Variants in RRM1 observed in about 807,000 individuals in gnomAD.
RRM1 encodes ribonucleoside-diphosphate reductase large subunit.
RRM1 carries 19 observed loss-of-function variants against 101.5 expected under a neutral mutation model. That is an observed-to-expected ratio of 0.19 (90% CI 0.13 to 0.27). The LOEUF is 0.27. Among genes scored for constraint, RRM1 ranks in the 10% least tolerant of loss-of-function variants. The pLI is 1.00. For missense variants in RRM1, 500 were observed against 962.9 expected (o/e 0.52, Z 6.36); for synonymous variants, 298 against 323.4 (o/e 0.92, Z 0.84).
chr11:4,118,937 A>G (rs1325776710), intron 8 of RRM1: 1 of 152,804 alleles, frequency 6.5e-6, no homozygotes, highest in East Asian at 1.9e-4. Flanking sequence ...TTACTTTCTG[A>G]GATCAATCAC....
intron 18 of RRM1, 40 bp from the exon 19 acceptor site, chr11:4,138,155 A>T: frequency 8.3e-7 from 1 of 1,206,840 alleles, no homozygotes; most frequent in Non-Finnish European, 1.2e-6. Context: ...TAGTATTCTC[A>T]CAGAGTTTCT....
intron 18 of RRM1, 124 bp downstream of exon 18, chr11:4,135,394 A>G (rs1442704461): frequency 8.8e-6 from 6 of 684,606 alleles, no homozygotes; most frequent in Admixed American, 6.9e-5. Context: ...TCAAATCCAG[A>G]ACGTTAAAAC....
Position 4,119,855 on chromosome 11 carries a change from A to G in RRM1, c.803A>G (p.Asn268Ser), listed in dbSNP as rs1039953434. The change falls in exon 9 of 19, where the codon AAT becomes AGT. Residue 268 changes from asparagine to serine, a missense_variant. Physicochemically the swap from Asn to Ser is conservative, Grantham distance 46 (BLOSUM62 1). Coordinates refer to ENST00000300738, the MANE Select transcript of RRM1 (RefSeq NM_001033.5). Reference protein sequence around the residue: ...TGSYIAGTNGNSNGLVPMLRV... With the variant: ...TGSYIAGTNGSSNGLVPMLRV... ...TGGTCTCTCTTTTAGACTAATGGCA[A>G]TTCCAATGGCCTTGTACCGATGCTG... 6 of 1,601,718 alleles carry G rather than the reference A, an allele frequency of 3.7e-6. No homozygotes were observed. In the Admixed American group the frequency reaches 5.1e-5, roughly 14 times the overall value.
chr11:4,100,144 A>C (rs536679841), intron 1 of RRM1, among the ~76,000 whole-genome samples: 1 of 152,378 alleles, frequency 6.6e-6, no homozygotes, highest in East Asian at 1.9e-4. Context: ...AGGGGCTAAC[A>C]TATCAGTGTA....
chr11:4,118,534 A>G (rs989064600), intron 8 of RRM1, 73 bp downstream of exon 8: 18 of 1,544,638 alleles, frequency 1.2e-5, no homozygotes, highest in Middle Eastern at 1.7e-4. Flanking sequence ...TTGAGAGGGC[A>G]TATGCTATTT....
At chr11:4,119,706 A>T (rs543383483) in intron 8 of RRM1, 139 bp from the exon 9 acceptor site, 2 of 654,130 alleles carry the variant, frequency 3.1e-6, no homozygotes, top group South Asian at 3.4e-5. Context: ...TCCAAAGCAG[A>T]AGTAGAGATG....
upstream of RRM1, chr11:4,094,787 AC>A: frequency 1.7e-6 from 1 of 592,744 alleles, no homozygotes; most frequent in Non-Finnish European, 3.0e-6. Flanking sequence ...CGTCATTCGA[AC>A]CCCGTCGCGC....
At chr11:4,117,390 G>C (rs761575601) in intron 7 of RRM1, among the ~76,000 whole-genome samples, 15 of 152,308 alleles carry the variant, frequency 9.8e-5, no homozygotes, top group Non-Finnish European at 1.9e-4. Context: ...AAATAATCCA[G>C]ATGTTCATCA....
At position 4,133,367 on chromosome 11, in the gene RRM1, CAG is replaced by C. The variant is rs138190372; in HGVS notation, c.1906-194_1906-193del. On this transcript the variant is annotated intron_variant, in intron 16 of 18. Transcript: ENST00000300738. ...GCTAATTATATTGTTTCTTGAATAACAGATGTCAAGATCTTAAAGGAATATAG... is the reference window on the plus strand; with the variant it reads ...GCTAATTATATTGTTTCTTGAATAACATGTCAAGATCTTAAAGGAATATAG... Among the ~76,000 whole-genome samples, 1,050 of 152,232 alleles carry C rather than the reference CAG, an allele frequency of 6.9e-3. 15 individuals carry two copies. The highest frequency in any genetic ancestry group is 0.024 in the African/African-American group (1,005 of 41,550).
At chr11:4,121,904 C>A in intron 10 of RRM1, 139 bp downstream of exon 10, 1 of 803,156 alleles carries the variant, frequency 1.2e-6, no homozygotes. Context: ...TAAGAGATGC[C>A]GTGCTTGTCT....
intron 17 of RRM1, 35 bp downstream of exon 17, chr11:4,133,693 C>G (rs1335285076): frequency 2.5e-6 from 3 of 1,221,930 alleles, no homozygotes; most frequent in Non-Finnish European, 3.6e-6. Context: ...TCTGCAGGGG[C>G]TGAGTTGGAC....
chr11:4,120,483 C>T (rs918774909), intron 9 of RRM1, among the ~76,000 whole-genome samples: 2 of 151,990 alleles, frequency 1.3e-5, no homozygotes, highest in African/African-American at 4.8e-5. Context: ...TCTGCCTCAG[C>T]CCTCCCATGT....
chr11:4,137,704 G>A (rs1590737936), intron 18 of RRM1, among the ~76,000 whole-genome samples: 1 of 27,402 alleles, frequency 3.6e-5, no homozygotes, highest in East Asian at 8.0e-4. Context: ...CGGACGGGGC[G>A]GCTGGCCGGG....
At chr11:4,098,127 TCA>T (rs2085606191) in intron 1 of RRM1, among the ~76,000 whole-genome samples, 1 of 152,174 alleles carries the variant, frequency 6.6e-6, no homozygotes, top group Non-Finnish European at 1.5e-5. Context: ...GGATTGTAAC[TCA>T]CAGTAAAAAA....
chr11:4,124,155 G>A (rs11031043), intron 12 of RRM1, among the ~76,000 whole-genome samples: 2 of 152,020 alleles, frequency 1.3e-5, no homozygotes, highest in African/African-American at 2.4e-5. Flanking sequence ...AAGCTGACAC[G>A]TCACGGATAG....
rs1186975474 is a variant in RRM1 at position 4,126,679 on chromosome 11, TCCAGG to T, written c.1321-4_1321del. The T allele has an allele frequency of 1.9e-6, 3 of 1,604,172 alleles. No homozygotes were observed. In the Admixed American group the frequency reaches 5.2e-5, roughly 28 times the overall value. On this transcript the variant is annotated splice_acceptor_variant and splice_polypyrimidine_tract_variant and coding_sequence_variant and intron_variant, in exon 13 of 19. Transcript: ENST00000300738. LOFTEE classifies it high-confidence loss of function. ...GTGATTCTTGACCTGTTTTTTGCATTCCAGGTTGCTGTTTGTAATTTGGCTTCCCT... is the reference window on the plus strand; with the variant it reads ...GTGATTCTTGACCTGTTTTTTGCATTTTGCTGTTTGTAATTTGGCTTCCCT...
In RRM1 at chr11:4,129,090, T is replaced by C. The variant is rs751661741; in HGVS notation, c.1709T>C (p.Met570Thr). The change falls in exon 15 of 19, where the codon ATG becomes ACG. Residue 570 changes from methionine (M) to threonine (T), a missense_variant. Physicochemically the swap from Met to Thr is moderately conservative, Grantham distance 81. Coordinates refer to ENST00000300738, the MANE Select transcript of RRM1 (RefSeq NM_001033.5). ...PVSKGILQYD[M>T]WNVTPTDLWD... ...ATTCCTTAGATTCTTCAGTATGATATGTGGAATGTTACTCCTACAGACCTA... is the reference window on the plus strand; with the variant it reads ...ATTCCTTAGATTCTTCAGTATGATACGTGGAATGTTACTCCTACAGACCTA... 1.3e-6 allele frequency: 2 copies of C among 1,596,692 alleles called. No homozygotes were observed. Among genetic ancestry groups the C allele is most frequent in the East Asian group, 2.2e-5 (1 of 44,556 alleles).
chr11:4,114,707 C>T (rs1054127592), intron 7 of RRM1, among the ~76,000 whole-genome samples: 3 of 152,078 alleles, frequency 2.0e-5, no homozygotes, highest in East Asian at 1.9e-4. Flanking sequence ...TGTAGTCCAT[C>T]GTTGACTTTT....
intron 1 of RRM1, among the ~76,000 whole-genome samples, chr11:4,100,420 A>G (rs1467933280): frequency 6.6e-6 from 1 of 152,214 alleles, no homozygotes; most frequent in Non-Finnish European, 1.5e-5. Context: ...TATTCGCATT[A>G]TACTTACTGG....
Sources: allele counts gnomAD v4.1 joint callset (sites outside exome capture counted in the v4.1 genomes callset), GRCh38; gene constraint gnomAD v4.1.1; transcripts MANE v1.5; gene names NCBI Gene and HGNC (gene_info 2026-07-23, HGNC 2026-07-21).